The following BICD1 variants were observed in gnomAD, a reference collection of about 807,000 sequenced individuals.
BICD1 encodes protein bicaudal D homolog 1.
Under a neutral mutation model 92.5 loss-of-function variants are expected in BICD1, and 35 were observed. The ratio of observed to expected loss-of-function variants is 0.38; its 90% CI spans 0.29 to 0.50. BICD1 has a LOEUF of 0.50. Among genes scored for constraint, BICD1 ranks in the 20% least tolerant of loss-of-function variants. The pLI, the probability that BICD1 is intolerant of heterozygous loss-of-function variation, is 0.93. For synonymous variants in BICD1, 429 were observed against 465.1 expected (o/e 0.92, Z 1.00); for missense variants, 950 against 1,189.8 (o/e 0.80, Z 2.97).
intron 4 of BICD1, among the ~76,000 whole-genome samples, chr12:32,308,339 A>G (rs1948286449): frequency 6.6e-6 from 1 of 152,214 alleles, no homozygotes; most frequent in African/African-American, 2.4e-5. Context: ...CATGTATTTC[A>G]AATGCTCTGA....
chr12:32,346,557 T>C (rs1424580052), intron 8 of BICD1, among the ~76,000 whole-genome samples: 12 of 30,852 alleles, frequency 3.9e-4, no homozygotes, highest in African/African-American at 2.4e-3. Context: ...TATATATATA[T>C]ATATATATAT....
At chr12:32,187,528 C>T (rs796710331) in intron 1 of BICD1, among the ~76,000 whole-genome samples, 13 of 152,112 alleles carry the variant, frequency 8.5e-5, no homozygotes, top group East Asian at 3.9e-4. Context: ...AAAAATTATT[C>T]GGGCGTGGTG....
intron 1 of BICD1, among the ~76,000 whole-genome samples, chr12:32,184,563 G>T (rs1944375341): frequency 6.6e-6 from 1 of 152,166 alleles, no homozygotes; most frequent in Non-Finnish European, 1.5e-5. Flanking sequence ...GGGATTACAG[G>T]TGTGAGCCAC....
intron 9 of BICD1, among the ~76,000 whole-genome samples, chr12:32,368,395 AC>A (rs1939606179): frequency 6.6e-6 from 1 of 152,134 alleles, no homozygotes; most frequent in Non-Finnish European, 1.5e-5. Flanking sequence ...GTAAAATAAA[AC>A]TTAAAGTGTT....
At chr12:32,251,049 T>G (rs1353156761) in intron 2 of BICD1, among the ~76,000 whole-genome samples, 2 of 152,142 alleles carry the variant, frequency 1.3e-5, no homozygotes, top group Admixed American at 1.3e-4. Context: ...TTTGAGTGAG[T>G]TAGAACCTAT....
At position 32,252,342 on chromosome 12, in the gene BICD1, C is replaced by T. The variant is rs138706319; in HGVS notation, c.426+35883C>T. On this transcript the variant is annotated intron_variant, in intron 2 of 9. Transcript: ENST00000652176. ...CCCTAGAAGCAACTTCCCTTCAGTCCGATTCACATCAAAGATGTGACTTCA... is the reference window on the plus strand; with the variant it reads ...CCCTAGAAGCAACTTCCCTTCAGTCTGATTCACATCAAAGATGTGACTTCA... Among the ~76,000 whole-genome samples the T allele has an allele frequency of 2.9e-3, 433 of 150,956 alleles. 4 individuals carry two copies. Among genetic ancestry groups the T allele is most frequent in the African/African-American group, 0.01 (410 of 40,954 alleles).
intron 2 of BICD1, among the ~76,000 whole-genome samples, chr12:32,260,160 G>T (rs1283336340): frequency 6.6e-6 from 1 of 151,946 alleles, no homozygotes; most frequent in Non-Finnish European, 1.5e-5. Flanking sequence ...CCCCACCTCA[G>T]ATGATCCACC....
At chr12:32,256,859 GTATC>G (rs111821697) in intron 2 of BICD1, among the ~76,000 whole-genome samples, 8 of 152,240 alleles carry the variant, frequency 5.3e-5, no homozygotes, top group African/African-American at 1.9e-4. Flanking sequence ...ACAAATTACA[GTATC>G]TAATTATGCA....
intron 2 of BICD1, among the ~76,000 whole-genome samples, chr12:32,270,811 C>T (rs1413797698): frequency 6.6e-6 from 1 of 152,266 alleles, no homozygotes; most frequent in African/African-American, 2.4e-5. Flanking sequence ...AAATTCAGGG[C>T]AGGCAAAAAT....
At chr12:32,108,947 TGTGAA>T in intron 1 of BICD1, 1 of 368,516 alleles carries the variant, frequency 2.7e-6, no homozygotes, top group South Asian at 5.1e-5. Flanking sequence ...TGCTAAACCT[TGTGAA>T]GTGAGGAAGC....
chr12:32,107,485 T>C lies in BICD1; in HGVS notation c.154T>C (p.Tyr52His), dbSNP rs1386460297. Residue 52 changes from tyrosine to histidine, a missense_variant, in exon 1 of 10, where the codon TAT becomes CAT. Tyr to His is a moderately conservative substitution (Grantham distance 83, BLOSUM62 2). Coordinates refer to ENST00000652176, the MANE Select transcript of BICD1 (RefSeq NM_001714.4). ...GGAGAAGCTGACCCTCAAACAGCAG[T>C]ATGATGAACTGGAGGCTGAGTACGA... ...LEEKLTLKQQ[Y>H]DELEAEYDSL... 2 of 1,608,922 alleles carry C rather than the reference T, an allele frequency of 1.2e-6. No individual in the cohort carries two copies. Among genetic ancestry groups the C allele is most frequent in the South Asian group, 2.2e-5 (2 of 89,658 alleles).
chr12:32,266,897 G>A (rs74072030), intron 2 of BICD1, among the ~76,000 whole-genome samples: 7,684 of 151,736 alleles, frequency 0.051, 637 homozygotes, highest in African/African-American at 0.18. Context: ...CGAAGTTAAT[G>A]AATAATACCT....
At chr12:32,344,363 G>T (rs1938490554) in intron 8 of BICD1, among the ~76,000 whole-genome samples, 1 of 151,834 alleles carries the variant, frequency 6.6e-6, no homozygotes, top group South Asian at 2.1e-4. Flanking sequence ...TGCAAAGGTG[G>T]ACAGGGACCT....
At chr12:32,332,695 C>A in intron 5 of BICD1, 1 of 355,172 alleles carries the variant, frequency 2.8e-6, no homozygotes, top group Non-Finnish European at 3.9e-6. Flanking sequence ...GAAAAGACTT[C>A]ACAGAAGCAA....
At chr12:32,153,162 T>TA (rs1053217176) in intron 1 of BICD1, among the ~76,000 whole-genome samples, 1 of 152,190 alleles carries the variant, frequency 6.6e-6, no homozygotes, top group Non-Finnish European at 1.5e-5. Context: ...AGTGAGAACA[T>TA]ACGGTATTTG....
At chr12:32,306,980 A>G (rs1250038140) in intron 4 of BICD1, among the ~76,000 whole-genome samples, 1 of 151,862 alleles carries the variant, frequency 6.6e-6, no homozygotes. Flanking sequence ...TCGCCATTGC[A>G]CTCCAGCCTG....
At chr12:32,351,012 G>A (rs1206696990) in intron 8 of BICD1, among the ~76,000 whole-genome samples, 3 of 151,682 alleles carry the variant, frequency 2.0e-5, no homozygotes, top group Non-Finnish European at 4.4e-5. Flanking sequence ...TCTCTTTTTT[G>A]GCATATAGAT....
At chr12:32,111,060 C>T in intron 1 of BICD1, among the ~76,000 whole-genome samples, 1 of 151,736 alleles carries the variant, frequency 6.6e-6, no homozygotes, top group East Asian at 1.9e-4. Flanking sequence ...GAAAAAGAGC[C>T]CCTTAGAAAG....
chr12:32,193,266 C>T (rs148955275), intron 1 of BICD1, among the ~76,000 whole-genome samples: 130 of 152,314 alleles, frequency 8.5e-4, no homozygotes, highest in African/African-American at 3.0e-3. Flanking sequence ...TGAGACAAGA[C>T]CTTCTACCAG....
Sources: gnomAD v4.1 joint callset for allele counts (sites outside exome capture counted in the v4.1 genomes callset) on GRCh38, gnomAD v4.1.1 for gene constraint, MANE v1.5 for transcripts, NCBI Gene and HGNC (gene_info 2026-07-23, HGNC 2026-07-21) for gene names.